The following XYLB variants were observed in gnomAD, a reference collection of about 807,000 sequenced individuals.
XYLB encodes xylulokinase.
A neutral mutation model predicts 78.7 loss-of-function variants in XYLB; 62 were observed. That is an observed-to-expected ratio of 0.79 (90% CI 0.64 to 0.97). The LOEUF (loss-of-function observed/expected upper bound fraction) is 0.97, where lower values mean the gene tolerates loss of function less well. Among genes scored for constraint, XYLB ranks in the 50% least tolerant of loss-of-function variants. XYLB has a pLI of 0.00. For synonymous variants in XYLB, 245 were observed against 247.4 expected, an observed-to-expected ratio of 0.99 and a Z score of 0.09; for missense variants, 687 against 676.8, an observed-to-expected ratio of 1.02 and a Z score of -0.17.
In XYLB at chr3:38,368,311, G is replaced by C. The variant is rs2234619; in HGVS notation, c.646+54G>C. On this transcript the variant is annotated intron_variant, in intron 8 of 18. Transcript: ENST00000207870. The stretch of plus-strand genomic sequence containing the variant: ...TGGGCAGTGTGCATGTGGCATGTGG[G>C]TGTGCAAGCAGTGGGAGCCCCACCT... 9,819 of 1,561,840 alleles carry C rather than the reference G, an allele frequency of 6.3e-3. 378 individuals carry two copies. In the African/African-American group the frequency reaches 0.1, roughly 16 times the overall value.
Position 38,348,533 on chromosome 3 carries a change from T to C in XYLB, c.58-17T>C. 6.2e-7 allele frequency: 1 copy of C among 1,613,992 alleles called. No individual in the cohort carries two copies. The highest frequency in any genetic ancestry group is 1.1e-5 in the South Asian group (1 of 91,080). On this transcript the variant is annotated splice_polypyrimidine_tract_variant and intron_variant, in intron 1 of 18. Coordinates refer to ENST00000207870, the MANE Select transcript of XYLB (RefSeq NM_005108.4). Reference sequence around the variant, plus strand: ...CTGAGGAAAATTCTACACTTCCTTTTTTAAAATGCCTTTCAGGTAAAGGTT... The same window carrying C: ...CTGAGGAAAATTCTACACTTCCTTTCTTAAAATGCCTTTCAGGTAAAGGTT...
At chr3:38,427,128 C>G in the XYLB span, among the ~76,000 whole-genome samples, 1 of 152,226 alleles carries the variant, frequency 6.6e-6, no homozygotes, top group African/African-American at 2.4e-5. Flanking sequence ...GGGTCAAGCT[C>G]TGTTTGTGGC....
chr3:38,394,806 G>T (rs775654339), intron 15 of XYLB, among the ~76,000 whole-genome samples: 1 of 152,166 alleles, frequency 6.6e-6, no homozygotes, highest in Admixed American at 6.5e-5. Flanking sequence ...CTTGACTGAC[G>T]CTGGAGGATC....
rs539856898 is a variant in XYLB, at chr3:38,351,106, A to T, written c.140+2474A>T. Among the ~76,000 whole-genome samples the T allele has an allele frequency of 3.0e-5, 4 of 131,200 alleles. No homozygotes were observed. In the East Asian group the frequency reaches 7.5e-4, roughly 25 times the overall value. 86.1% of individuals were successfully genotyped at this position (131,200 alleles called of 152,430 possible). ...AGAATTGCTTGAACTGTGGAGAGGG[A>T]GGTTTCGGTGAGCCAAGATCGCGCC... On this transcript the variant is annotated intron_variant, in intron 2 of 18. Transcript: ENST00000207870.
intron 1 of XYLB, among the ~76,000 whole-genome samples, chr3:38,348,098 GAC>G (rs1705167767): frequency 6.6e-6 from 1 of 152,164 alleles, no homozygotes; most frequent in Non-Finnish European, 1.5e-5. Context: ...AATGTCTCTG[GAC>G]CACAATCATG....
chr3:38,372,575 T>C, intron 9 of XYLB, 80 bp from the exon 10 acceptor site: 8 of 1,607,972 alleles, frequency 5.0e-6, no homozygotes, highest in Non-Finnish European at 6.0e-6. Flanking sequence ...AGCGTTTTCG[T>C]GGCCTGAAGG....
At chr3:38,432,887 C>T in the XYLB span, among the ~76,000 whole-genome samples, 1 of 152,212 alleles carries the variant, frequency 6.6e-6, no homozygotes, top group African/African-American at 2.4e-5. Flanking sequence ...ACGGTGCAAG[C>T]TGTCAGTGAA....
At chr3:38,385,282 A>G (rs1707333682) in intron 15 of XYLB, among the ~76,000 whole-genome samples, 1 of 152,016 alleles carries the variant, frequency 6.6e-6, no homozygotes, top group Non-Finnish European at 1.5e-5. Context: ...TGTAACCTCC[A>G]CTTTCACCAT....
downstream of XYLB, among the ~76,000 whole-genome samples, chr3:38,426,123 G>C (rs898990355): frequency 6.6e-6 from 1 of 152,112 alleles, no homozygotes; most frequent in African/African-American, 2.4e-5. Context: ...CTACTGCCGC[G>C]GCAGCTGGAG....
chr3:38,388,943 TTTTC>T (rs1441944885), intron 15 of XYLB, among the ~76,000 whole-genome samples: 71 of 150,478 alleles, frequency 4.7e-4, no homozygotes, highest in Non-Finnish European at 6.5e-4. Flanking sequence ...GATTTGATAA[TTTTC>T]TTTCTTTTTT....
At position 38,414,919 on chromosome 3, in the gene XYLB, A is replaced by G. The variant is rs752800823; in HGVS notation, c.*1906A>G. ...AAGACAAAAGATAAGACAGTGGCAT[A>G]GAGTTAATATTTAAAATTCAAATAT... is the stretch of plus-strand genomic sequence containing the variant. On this transcript the variant is annotated 3_prime_UTR_variant, in exon 19 of 19. Transcript: ENST00000207870. 1 of 152,212 alleles carries G rather than the reference A, an allele frequency of 6.6e-6. No individual in the cohort carries two copies. The highest frequency in any genetic ancestry group is 1.5e-5 in the Non-Finnish European group (1 of 68,044). The allele number at this position is 152,212 out of a possible 1,614,324, so 9.4% of individuals were successfully genotyped here.
chr3:38,346,794 C>A lies in XYLB; in HGVS notation c.-75C>A. ...AGGGGCGGGCCCCTGCGTCTCTGGGCGCTGGAGCGCGGCGACTATCACGCC... is the reference window on the plus strand; with the variant it reads ...AGGGGCGGGCCCCTGCGTCTCTGGGAGCTGGAGCGCGGCGACTATCACGCC... On this transcript the variant is annotated 5_prime_UTR_variant, in exon 1 of 19. Coordinates refer to ENST00000207870, the MANE Select transcript of XYLB (RefSeq NM_005108.4). 7.1e-7 allele frequency: 1 copy of A among 1,412,650 alleles called. No individual in the cohort carries two copies. 87.5% of individuals were successfully genotyped at this position (1,412,650 alleles called of 1,614,324 possible).
intron 18 of XYLB, among the ~76,000 whole-genome samples, chr3:38,407,448 A>G (rs1205728861): frequency 6.6e-6 from 1 of 152,236 alleles, no homozygotes; most frequent in African/African-American, 2.4e-5. Flanking sequence ...TGTAAAGACC[A>G]TCGAGGCTAG....
intron 2 of XYLB, among the ~76,000 whole-genome samples, chr3:38,349,692 G>A (rs1367357038): frequency 6.6e-6 from 1 of 152,194 alleles, no homozygotes; most frequent in East Asian, 1.9e-4. Flanking sequence ...CATAGACTGG[G>A]TGGGTTAAAG....
At chr3:38,370,240 G>GAACACACACACA (rs150130857) in intron 9 of XYLB, 66 bp downstream of exon 9, 1 of 583,300 alleles carries the variant, frequency 1.7e-6, no homozygotes, top group Admixed American at 2.6e-5. Context: ...GCACTGTAGC[G>GAACACACACACA]CACACACACA....
chr3:38,361,531 A>AG (rs1705971725), intron 3 of XYLB, among the ~76,000 whole-genome samples: 1 of 152,172 alleles, frequency 6.6e-6, no homozygotes, highest in South Asian at 2.1e-4. Context: ...TGTACTTCAG[A>AG]GGGGGCTGAG....
At chr3:38,428,713 G>A in the XYLB span, among the ~76,000 whole-genome samples, 1 of 152,172 alleles carries the variant, frequency 6.6e-6, no homozygotes, top group African/African-American at 2.4e-5. Flanking sequence ...TGTAAACACT[G>A]TCTTTTGGTT....
At chr3:38,430,224 C>T in the XYLB span, among the ~76,000 whole-genome samples, 1 of 152,180 alleles carries the variant, frequency 6.6e-6, no homozygotes, top group Non-Finnish European at 1.5e-5. Context: ...TCTGTTGTTT[C>T]CTGACTTTTT....
downstream of XYLB, among the ~76,000 whole-genome samples, chr3:38,419,578 T>TATATATATATATATATATATA (rs1708907358): frequency 4.4e-5 from 3 of 68,282 alleles, no homozygotes; most frequent in Middle Eastern, 6.8e-3. Context: ...TTATTTTTCT[T>TATATATATATATATATATATA]TATATATATA....
Sources: gnomAD v4.1 joint callset for allele counts (sites outside exome capture counted in the v4.1 genomes callset) on GRCh38, gnomAD v4.1.1 for gene constraint, MANE v1.5 for transcripts, NCBI Gene and HGNC (gene_info 2026-07-23, HGNC 2026-07-21) for gene names.